The following MGMT variants were observed in gnomAD, a reference collection of about 807,000 sequenced individuals.
MGMT encodes methylated-DNA--protein-cysteine methyltransferase.
In MGMT, 14 loss-of-function variants were observed where a neutral mutation model predicts 15.9. The ratio of observed to expected loss-of-function variants is 0.88; its 90% CI spans 0.58 to 1.37. MGMT has a LOEUF of 1.37. Ranked by LOEUF, MGMT falls within the 40% of genes most tolerant of loss-of-function variation. The pLI, the probability that MGMT is intolerant of heterozygous loss-of-function variation, is 0.00. For missense variants in MGMT, 282 were observed against 268.1 expected, an observed-to-expected ratio of 1.05 and a Z score of -0.36; for synonymous variants, 130 against 118.2, an observed-to-expected ratio of 1.10 and a Z score of -0.65.
intron 2 of MGMT, among the ~76,000 whole-genome samples, chr10:129,554,788 A>G (rs1337351948): frequency 1.3e-5 from 2 of 152,188 alleles, no homozygotes; most frequent in Non-Finnish European, 2.9e-5. Context: ...CACTCTGAAC[A>G]GCAGGTATGC....
intron 2 of MGMT, among the ~76,000 whole-genome samples, chr10:129,609,412 C>T (rs2133067305): frequency 6.6e-6 from 1 of 151,700 alleles, no homozygotes; most frequent in Middle Eastern, 3.4e-3. Context: ...CCATCTGGAG[C>T]CCCTGGAGGC....
chr10:129,649,646 C>T (rs190721934), intron 2 of MGMT, among the ~76,000 whole-genome samples: 12 of 152,238 alleles, frequency 7.9e-5, no homozygotes, highest in East Asian at 1.9e-4. Context: ...GAGATTAAGA[C>T]GGACTCTTCA....
chr10:129,632,234 G>T (rs1333619671), intron 2 of MGMT, among the ~76,000 whole-genome samples: 1 of 152,208 alleles, frequency 6.6e-6, no homozygotes, highest in Admixed American at 6.5e-5. Flanking sequence ...CCTGTGATTG[G>T]TTATTTAGCT....
intron 1 of MGMT, among the ~76,000 whole-genome samples, chr10:129,519,543 G>A (rs758732057): frequency 8.9e-4 from 136 of 152,278 alleles, no homozygotes; most frequent in Middle Eastern, 6.8e-3. Flanking sequence ...AGACCTTTAC[G>A]GAGTTCAGTG....
chr10:129,646,768 G>C (rs1183311582), intron 2 of MGMT, among the ~76,000 whole-genome samples: 1 of 88,148 alleles, frequency 1.1e-5, no homozygotes, highest in East Asian at 2.2e-4. Context: ...TCAGGGAATG[G>C]TAGAGAACAG....
intron 1 of MGMT, chr10:129,467,501 A>G (rs898154878): frequency 2.1e-4 from 189 of 892,014 alleles, no homozygotes; most frequent in Non-Finnish European, 2.4e-4. Context: ...GGGTTCCTGG[A>G]CTAGGCTGCG....
intron 2 of MGMT, among the ~76,000 whole-genome samples, chr10:129,679,294 G>A (rs919916252): frequency 3.9e-5 from 6 of 152,062 alleles, no homozygotes; most frequent in Admixed American, 6.5e-5. Context: ...GGGAAACACC[G>A]GTCCCCTCTG....
intron 2 of MGMT, among the ~76,000 whole-genome samples, chr10:129,704,161 G>A (rs770246302): frequency 6.6e-6 from 1 of 152,088 alleles, no homozygotes; most frequent in African/African-American, 2.4e-5. Flanking sequence ...ATGACTGAAG[G>A]TGTGTCTCTG....
intron 2 of MGMT, among the ~76,000 whole-genome samples, chr10:129,617,073 A>G (rs1056643689): frequency 6.9e-6 from 1 of 144,482 alleles, no homozygotes; most frequent in Admixed American, 7.0e-5. Context: ...CATCCACATG[A>G]TAAGCACATG....
chr10:129,739,934 C>T (rs1389751098), intron 3 of MGMT, among the ~76,000 whole-genome samples: 1 of 152,206 alleles, frequency 6.6e-6, no homozygotes, highest in African/African-American at 2.4e-5. Flanking sequence ...TACATCCTGT[C>T]CCCACAGTGG....
intron 2 of MGMT, among the ~76,000 whole-genome samples, chr10:129,609,499 C>G (rs1185657253): frequency 6.6e-6 from 1 of 152,146 alleles, no homozygotes; most frequent in African/African-American, 2.4e-5. Flanking sequence ...TGGGGTAACC[C>G]TAGGCGGTAG....
At chr10:129,539,534 T>G (rs1372540125) in intron 2 of MGMT, among the ~76,000 whole-genome samples, 2 of 152,052 alleles carry the variant, frequency 1.3e-5, no homozygotes, top group Non-Finnish European at 2.9e-5. Context: ...TGAGACGGAG[T>G]CTTGCTCTGT....
At chr10:129,731,160 A>G (rs999886672) in intron 3 of MGMT, among the ~76,000 whole-genome samples, 1 of 152,098 alleles carries the variant, frequency 6.6e-6, no homozygotes, top group African/African-American at 2.4e-5. Flanking sequence ...CCAGGACTAG[A>G]TGGAGCCTAC....
chr10:129,576,735 G>A (rs1346454104), intron 2 of MGMT, among the ~76,000 whole-genome samples: 1 of 152,184 alleles, frequency 6.6e-6, no homozygotes, highest in East Asian at 1.9e-4. Flanking sequence ...AGGAAAAGAG[G>A]AAGTCAAATT....
At chr10:129,576,975 C>T (rs1846491147) in intron 2 of MGMT, among the ~76,000 whole-genome samples, 1 of 152,092 alleles carries the variant, frequency 6.6e-6, no homozygotes, top group African/African-American at 2.4e-5. Context: ...ATCCAACTTA[C>T]AAGGGATGTG....
At chr10:129,722,374 A>G (rs995911435) in intron 3 of MGMT, among the ~76,000 whole-genome samples, 3 of 152,232 alleles carry the variant, frequency 2.0e-5, no homozygotes, top group African/African-American at 7.2e-5. Flanking sequence ...ACTGAAAGAA[A>G]TTAAAGAAGA....
chr10:129,693,313 A>G lies in MGMT; in HGVS notation c.126-14582A>G, dbSNP rs185740122. ...TATAAAGGTCAATGCCACTTCTGTA[A>G]TATTAATTTGCAATTGAAAGGTATT... On this transcript the variant is annotated intron_variant, in intron 2 of 4. Transcript: ENST00000651593. Among the ~76,000 whole-genome samples the G allele has an allele frequency of 4.6e-5, 7 of 152,316 alleles. No homozygotes were observed. In the East Asian group the frequency reaches 1.4e-3, roughly 29 times the overall value.
At chr10:129,493,902 A>G (rs1342197118) in intron 1 of MGMT, among the ~76,000 whole-genome samples, 1 of 152,174 alleles carries the variant, frequency 6.6e-6, no homozygotes, top group African/African-American at 2.4e-5. Flanking sequence ...CACCCCAGTC[A>G]TTTCCGCATG....
intron 3 of MGMT, among the ~76,000 whole-genome samples, chr10:129,723,793 C>A (rs1303208416): frequency 6.6e-6 from 1 of 152,158 alleles, no homozygotes; most frequent in Non-Finnish European, 1.5e-5. Flanking sequence ...TGCTCGGCAT[C>A]ATCAGTCATT....
Sources: gnomAD v4.1 joint callset for allele counts (sites outside exome capture counted in the v4.1 genomes callset) on GRCh38, gnomAD v4.1.1 for gene constraint, MANE v1.5 for transcripts, NCBI Gene and HGNC (gene_info 2026-07-23, HGNC 2026-07-21) for gene names.